Variants in WDR27 observed in about 807,000 individuals in gnomAD.
WDR27 encodes WD repeat domain 27.
WDR27 carries 100 observed loss-of-function variants against 114.4 expected under a neutral mutation model. The ratio of observed to expected loss-of-function variants is 0.87; its 90% CI spans 0.74 to 1.03. The LOEUF is 1.03. Among genes scored for constraint, WDR27 ranks in the 50% least tolerant of loss-of-function variants. The pLI is 0.00. For missense variants in WDR27, 1,129 were observed against 1,092.9 expected (o/e 1.03, Z -0.47); for synonymous variants, 449 against 423.1 (o/e 1.06, Z -0.75).
the WDR27 span, among the ~76,000 whole-genome samples, chr6:169,447,511 T>C: frequency 1.3e-5 from 2 of 152,350 alleles, no homozygotes; most frequent in African/African-American, 2.4e-5. Flanking sequence ...TCATTGAGCA[T>C]GGAAGTCCAA....
rs1033787053 is a variant in WDR27 at position 169,510,790 on chromosome 6, A to T, written c.2646-53156T>A. Among the ~76,000 whole-genome samples, 13 of 152,238 alleles carry T rather than the reference A, an allele frequency of 8.5e-5. 2 individuals are homozygous for T. The South Asian group carries it at 2.3e-3, about 27-fold the overall frequency. On this transcript the variant is annotated intron_variant, in intron 25 of 25. Coordinates refer to ENST00000448612, the MANE Select transcript of WDR27 (RefSeq NM_182552.5). The stretch of plus-strand genomic sequence containing the variant: ...AAAACTTAAAGTATAATAATAATAA[A>T]AAAAGACAAAAAAAAGACAAAGTTT...
In WDR27 at chr6:169,659,440, T is replaced by C. The variant is rs1825320347; in HGVS notation, c.1197+11A>G. On this transcript the variant is annotated intron_variant, in intron 11 of 25. Transcript: ENST00000448612. The surrounding 1 kb of genome is among the most constrained non-coding windows in gnomAD (Gnocchi z 4.3). ...TCTCATAGACAGGGAGGGCCGCGTC[T>C]CAGGACTGACCTTTTGATCCGCAGT... 1 of 1,606,146 alleles carries C rather than the reference T, an allele frequency of 6.2e-7. No homozygotes were observed. The highest frequency in any genetic ancestry group is 1.3e-5 in the African/African-American group (1 of 74,810).
rs865960636 is a variant in WDR27 at position 169,500,936 on chromosome 6, C to T, written c.2646-43302G>A. ...TGCTTATGCTCCCTAGATGTGGACA[C>T]CAGAAATGCCCCGTTGTCCTCTCTG... On this transcript the variant is annotated intron_variant, in intron 25 of 25. Transcript: ENST00000448612. 1.3e-4 allele frequency among the ~76,000 whole-genome samples: 20 copies of T among 152,328 alleles called. 1 individual carries two copies. The Middle Eastern group carries it at 0.014, about 104-fold the overall frequency.
chr6:169,587,315 C>T (rs1804852640), intron 23 of WDR27, among the ~76,000 whole-genome samples: 1 of 148,496 alleles, frequency 6.7e-6, no homozygotes, highest in Non-Finnish European at 1.5e-5. Context: ...ACCTCCTGGG[C>T]TCAAGCGATT....
intron 25 of WDR27, among the ~76,000 whole-genome samples, chr6:169,503,284 T>C (rs1025774695): frequency 2.0e-4 from 30 of 152,164 alleles, no homozygotes; most frequent in African/African-American, 7.0e-4. Context: ...GAGGAAAACT[T>C]TGGAGACTGT....
At chr6:169,581,913 C>T (rs971658332) in intron 24 of WDR27, among the ~76,000 whole-genome samples, 1 of 152,228 alleles carries the variant, frequency 6.6e-6, no homozygotes, top group Non-Finnish European at 1.5e-5. Context: ...ATCAAAGTCT[C>T]AATCTTAAAG....
chr6:169,585,043 A>G (rs1161870716), intron 23 of WDR27, among the ~76,000 whole-genome samples: 13 of 152,238 alleles, frequency 8.5e-5, no homozygotes, highest in Non-Finnish European at 1.6e-4. Flanking sequence ...AAGGCCATCA[A>G]GAGGACACAA....
intron 2 of WDR27, among the ~76,000 whole-genome samples, chr6:169,681,490 C>T (rs960591339): frequency 2.6e-5 from 4 of 152,216 alleles, no homozygotes; most frequent in African/African-American, 7.2e-5. Context: ...TAAGCGTGCT[C>T]GTAGCTTCAA....
intron 25 of WDR27, among the ~76,000 whole-genome samples, chr6:169,569,725 C>T (rs527423413): frequency 6.6e-6 from 1 of 152,220 alleles, no homozygotes; most frequent in South Asian, 2.1e-4. Context: ...ATTGCAAATG[C>T]CTTAAATATT....
chr6:169,432,298 G>A, the WDR27 span, among the ~76,000 whole-genome samples: 1 of 152,160 alleles, frequency 6.6e-6, no homozygotes, highest in Non-Finnish European at 1.5e-5. Context: ...ACCTAATTCA[G>A]ACACATTTTC....
chr6:169,700,192 T>C (rs1787505350), intron 1 of WDR27, among the ~76,000 whole-genome samples: 1 of 152,162 alleles, frequency 6.6e-6, no homozygotes, highest in Admixed American at 6.5e-5. Flanking sequence ...AGCAACTAGT[T>C]TGTCTTCTTA....
chr6:169,611,218 G>T (rs866809442), intron 22 of WDR27, among the ~76,000 whole-genome samples: 1 of 151,820 alleles, frequency 6.6e-6, no homozygotes. Flanking sequence ...ATAAACACTG[G>T]ACACTTAGGC....
chr6:169,446,777 G>A, the WDR27 span, among the ~76,000 whole-genome samples: 12 of 152,152 alleles, frequency 7.9e-5, no homozygotes, highest in Admixed American at 5.2e-4. Flanking sequence ...AGAATTTAAG[G>A]AGTCACTGTG....
At chr6:169,608,448 C>A (rs1033648918) in intron 22 of WDR27, among the ~76,000 whole-genome samples, 3 of 152,096 alleles carry the variant, frequency 2.0e-5, no homozygotes, top group Admixed American at 2.0e-4. Flanking sequence ...CCTGGGAAAG[C>A]CTCACAATCA....
At chr6:169,688,462 G>A (rs1451786530) in intron 2 of WDR27, among the ~76,000 whole-genome samples, 2 of 152,028 alleles carry the variant, frequency 1.3e-5, no homozygotes, top group African/African-American at 4.8e-5. Context: ...CACTTATTAT[G>A]TGGAACTTTT....
intron 25 of WDR27, among the ~76,000 whole-genome samples, chr6:169,526,786 TAAAG>T (rs1341067890): frequency 1.3e-5 from 2 of 152,056 alleles, no homozygotes; most frequent in Non-Finnish European, 2.9e-5. Flanking sequence ...TCAGAATAAA[TAAAG>T]AATGATTAAA....
intron 25 of WDR27, among the ~76,000 whole-genome samples, chr6:169,494,999 C>T (rs892478424): frequency 2.0e-5 from 3 of 151,884 alleles, no homozygotes; most frequent in African/African-American, 7.3e-5. Context: ...TACACATTAC[C>T]GTAAGTCAAT....
intron 25 of WDR27, among the ~76,000 whole-genome samples, chr6:169,474,985 ACT>A (rs2115350519): frequency 6.6e-6 from 1 of 151,932 alleles, no homozygotes; most frequent in African/African-American, 2.4e-5. Context: ...GCCCCCAGTG[ACT>A]CTGAGGTCTA....
chr6:169,535,127 T>G (rs918436957), intron 25 of WDR27, among the ~76,000 whole-genome samples: 2 of 152,192 alleles, frequency 1.3e-5, no homozygotes, highest in Non-Finnish European at 1.5e-5. Flanking sequence ...AAGCACGTAA[T>G]TTTCAATTAG....
Sources: allele counts gnomAD v4.1 joint callset (sites outside exome capture counted in the v4.1 genomes callset), GRCh38; gene constraint gnomAD v4.1.1; non-coding constraint Gnocchi (gnomAD v3.1); transcripts MANE v1.5; gene names NCBI Gene and HGNC (gene_info 2026-07-23, HGNC 2026-07-21).